VPS13B: variants seen among roughly 807,000 people sequenced by gnomAD.
The protein encoded by VPS13B is vacuolar protein sorting 13 homolog B.
In VPS13B, 285 loss-of-function variants were observed where a neutral mutation model predicts 426.4. That is an observed-to-expected ratio of 0.67 (90% CI 0.61 to 0.74). The LOEUF (loss-of-function observed/expected upper bound fraction) is 0.74. VPS13B is among the 30% of genes least tolerant of loss of function. The pLI, the probability that VPS13B is intolerant of heterozygous loss-of-function variation, is 0.00. For synonymous variants in VPS13B, 1,676 were observed against 1,676.4 expected (o/e 1.00, Z 0.01); for missense variants, 4,537 against 4,782.6 (o/e 0.95, Z 1.51).
intron 17 of VPS13B, among the ~76,000 whole-genome samples, chr8:99,235,767 C>T (rs1249310015): frequency 6.6e-6 from 1 of 152,130 alleles, no homozygotes; most frequent in Non-Finnish European, 1.5e-5. Context: ...AACACATTTT[C>T]AGTGTTATTT....
intron 17 of VPS13B, among the ~76,000 whole-genome samples, chr8:99,204,131 A>G (rs1038637153): frequency 6.6e-6 from 1 of 152,216 alleles, no homozygotes; most frequent in African/African-American, 2.4e-5. Context: ...ACTGTAACCA[A>G]AACAGCATGG....
At chr8:99,109,858 T>C (rs1376264610) in intron 5 of VPS13B, among the ~76,000 whole-genome samples, 1 of 152,154 alleles carries the variant, frequency 6.6e-6, no homozygotes, top group Non-Finnish European at 1.5e-5. Context: ...AGATAAGAGA[T>C]GTAAAAGACT....
At position 99,060,626 on chromosome 8, in the gene VPS13B, T is replaced by A. The variant is rs201690841; in HGVS notation, c.291+22060T>A. Among the ~76,000 whole-genome samples, 32 of 142,804 alleles carry A rather than the reference T, an allele frequency of 2.2e-4. No homozygotes were observed. In the East Asian group the frequency reaches 5.7e-3, roughly 25 times the overall value. 93.7% of individuals were successfully genotyped at this position (142,804 alleles called of 152,430 possible). Reference sequence around the variant, plus strand: ...TTCATCTCAAAAACAAAAAAAAAAATTGATTTAAATAATATAATCTTTTAT... The same window carrying A: ...TTCATCTCAAAAACAAAAAAAAAAAATGATTTAAATAATATAATCTTTTAT... On this transcript the variant is annotated intron_variant, in intron 3 of 61. Transcript: ENST00000357162.
At chr8:99,213,169 CTCTT>C (rs1382923057) in intron 17 of VPS13B, among the ~76,000 whole-genome samples, 2 of 152,088 alleles carry the variant, frequency 1.3e-5, no homozygotes, top group African/African-American at 2.4e-5. Flanking sequence ...GTACACATCA[CTCTT>C]TATTGTAGTT....
At chr8:99,806,681 G>C (rs975284804) in intron 43 of VPS13B, among the ~76,000 whole-genome samples, 2 of 152,154 alleles carry the variant, frequency 1.3e-5, no homozygotes, top group Admixed American at 1.3e-4. Flanking sequence ...TAACACAAAT[G>C]TCACATTTTT....
chr8:99,646,505 A>G (rs1829582897), intron 34 of VPS13B, among the ~76,000 whole-genome samples: 1 of 152,194 alleles, frequency 6.6e-6, no homozygotes, highest in Non-Finnish European at 1.5e-5. Flanking sequence ...AGCCTGGATG[A>G]CAGATTGAGA....
At chr8:99,581,032 A>ACAC (rs1563807881) in intron 33 of VPS13B, among the ~76,000 whole-genome samples, 11 of 72,418 alleles carry the variant, frequency 1.5e-4, no homozygotes, top group Non-Finnish European at 3.1e-4. Context: ...CACACACACA[A>ACAC]ATTAGGCAGG....
chr8:99,619,859 A>AGC (rs1029699378), intron 33 of VPS13B, among the ~76,000 whole-genome samples: 3 of 150,798 alleles, frequency 2.0e-5, no homozygotes, highest in Non-Finnish European at 4.4e-5. Flanking sequence ...TGGGTGACAG[A>AGC]GCAAGACCCT....
intron 17 of VPS13B, among the ~76,000 whole-genome samples, chr8:99,248,460 T>C (rs1211846679): frequency 2.0e-5 from 3 of 152,196 alleles, no homozygotes; most frequent in Non-Finnish European, 2.9e-5. Flanking sequence ...GGCATTAAGA[T>C]TGAATAAATT....
chr8:99,419,615 TC>T (rs1816263861), intron 21 of VPS13B, among the ~76,000 whole-genome samples: 2 of 152,174 alleles, frequency 1.3e-5, no homozygotes, highest in Non-Finnish European at 2.9e-5. Context: ...GGCTTGGCTA[TC>T]AGTTTGATTT....
At chr8:99,473,665 C>T (rs1819531438) in intron 24 of VPS13B, among the ~76,000 whole-genome samples, 1 of 151,954 alleles carries the variant, frequency 6.6e-6, no homozygotes, top group South Asian at 2.1e-4. Context: ...CTAACCATTA[C>T]AATAAACCAA....
intron 21 of VPS13B, among the ~76,000 whole-genome samples, chr8:99,403,280 C>T (rs1815141971): frequency 6.6e-6 from 1 of 152,000 alleles, no homozygotes; most frequent in Admixed American, 6.6e-5. Flanking sequence ...TATCCAGTGC[C>T]TATTGAAAAT....
intron 19 of VPS13B, among the ~76,000 whole-genome samples, chr8:99,275,564 T>C (rs962046920): frequency 6.6e-6 from 1 of 152,184 alleles, no homozygotes; most frequent in African/African-American, 2.4e-5. Flanking sequence ...ATGCATATTT[T>C]CTTGAGATAG....
intron 39 of VPS13B, among the ~76,000 whole-genome samples, chr8:99,743,966 T>A (rs1320794495): frequency 6.6e-6 from 1 of 152,108 alleles, no homozygotes; most frequent in Non-Finnish European, 1.5e-5. Flanking sequence ...AAAGCCAAAA[T>A]TGACAAATGG....
At chr8:99,861,238 T>C (rs1816816607) in intron 57 of VPS13B, among the ~76,000 whole-genome samples, 1 of 152,194 alleles carries the variant, frequency 6.6e-6, no homozygotes, top group Non-Finnish European at 1.5e-5. Flanking sequence ...TTCTTACCCT[T>C]TGAAGAGTGT....
intron 17 of VPS13B, among the ~76,000 whole-genome samples, chr8:99,230,297 G>A (rs1271937802): frequency 6.6e-6 from 1 of 151,928 alleles, no homozygotes; most frequent in Non-Finnish European, 1.5e-5. Context: ...TCCCTTACTC[G>A]ATCCATATGG....
At chr8:99,261,677 C>G (rs1818044750) in intron 17 of VPS13B, among the ~76,000 whole-genome samples, 1 of 152,068 alleles carries the variant, frequency 6.6e-6, no homozygotes, top group East Asian at 1.9e-4. Flanking sequence ...TTTGCATTCC[C>G]ACCAACAGTG....
chr8:99,209,638 C>A, intron 17 of VPS13B: 1 of 535,808 alleles, frequency 1.9e-6, no homozygotes, highest in South Asian at 4.0e-5. Flanking sequence ...AACTCCTGGC[C>A]TCAAATGATC....
chr8:99,046,911 A>G (rs1446510576), intron 3 of VPS13B, among the ~76,000 whole-genome samples: 15 of 152,032 alleles, frequency 9.9e-5, no homozygotes, highest in Admixed American at 9.8e-4. Context: ...TTTTTGATAT[A>G]TTGTTGGATT....
Sources: allele counts gnomAD v4.1 joint callset (sites outside exome capture counted in the v4.1 genomes callset), GRCh38; gene constraint gnomAD v4.1.1; transcripts MANE v1.5; gene names NCBI Gene and HGNC (gene_info 2026-07-23, HGNC 2026-07-21).